The following SIPA1L3 variants were observed in gnomAD, a reference collection of about 807,000 sequenced individuals.
SIPA1L3 encodes signal-induced proliferation-associated 1-like protein 3.
A neutral mutation model predicts 150.1 loss-of-function variants in SIPA1L3; 59 were observed. The ratio of observed to expected loss-of-function variants is 0.39; its 90% confidence interval spans 0.32 to 0.49. SIPA1L3 has a LOEUF of 0.49. SIPA1L3 is among the 20% of genes least tolerant of loss of function. SIPA1L3 has a pLI of 0.86. For missense variants in SIPA1L3, 2,211 were observed against 2,489.5 expected (o/e 0.89, Z 2.38); for synonymous variants, 1,070 against 1,077.6 (o/e 0.99, Z 0.14).
At chr19:37,969,493 A>C (rs527296648) in intron 1 of SIPA1L3, among the ~76,000 whole-genome samples, 18 of 147,456 alleles carry the variant, frequency 1.2e-4, no homozygotes, top group South Asian at 2.2e-4. Context: ...TGGAGGTTGC[A>C]GTGAGCTGAG....
chr19:37,972,168 A>AGTGTGTGTGTGTGTGTGT (rs34744094), intron 1 of SIPA1L3, among the ~76,000 whole-genome samples: 65 of 145,044 alleles, frequency 4.5e-4, no homozygotes, highest in African/African-American at 1.6e-3. Context: ...AGAGATACCT[A>AGTGTGTGTGTGTGTGTGT]GTGTGTGTGT....
intron 16 of SIPA1L3, 126 bp from the exon 17 acceptor site, chr19:38,192,019 G>T: frequency 1.2e-6 from 1 of 825,436 alleles, no homozygotes. Context: ...CCACGCGTTT[G>T]CTGGGTGAAG....
chr19:38,182,522 C>T lies in SIPA1L3; in HGVS notation c.4212C>T (p.Asp1404=), dbSNP rs768170806. ...GSRDPPRQPS[D]MGSRVGYPAQ... ...CTCTTTCATTTTTGCTTTGCAGTGA[C>T]ATGGGCTCGAGGGTTGGCTACCCCG... The change falls in exon 16 of 22, where the codon GAC becomes GAT. Residue 1404 remains aspartate (D), a synonymous_variant. Coordinates refer to ENST00000222345, the MANE Select transcript of SIPA1L3 (RefSeq NM_015073.3). 1.6e-5 allele frequency: 26 copies of T among 1,601,334 alleles called. No individual in the cohort carries two copies. The highest frequency in any genetic ancestry group is 2.0e-5 in the Non-Finnish European group (24 of 1,173,112).
intron 1 of SIPA1L3, among the ~76,000 whole-genome samples, chr19:37,909,791 C>G (rs577115645): frequency 2.1e-4 from 32 of 152,210 alleles, no homozygotes; most frequent in African/African-American, 7.5e-4. Flanking sequence ...GCACACATAC[C>G]ACACACCCAA....
chr19:38,088,821 C>G lies in SIPA1L3; in HGVS notation c.1635C>G (p.Tyr545Ter). The change falls in exon 4 of 22, where the codon TAC (tyrosine) becomes TAG (stop). Residue 545 changes from tyrosine (Y) to a stop codon, truncating the protein, a stop_gained. Coordinates refer to ENST00000222345, the MANE Select transcript of SIPA1L3 (RefSeq NM_015073.3). LOFTEE classifies it high-confidence loss of function. ...LEDHKEHGPQYQYRIIFRTRE... is the reference protein window; with the variant it reads ...LEDHKEHGPQ ...ACCACAAGGAGCACGGACCTCAGTA[C>G]CAGTACAGGATCATCTTCCGGACCC... 6.2e-7 allele frequency: 1 copy of G among 1,614,058 alleles called. No homozygotes were observed. The highest frequency in any genetic ancestry group is 8.5e-7 in the Non-Finnish European group (1 of 1,179,964).
At chr19:38,097,675 G>A (rs930214520) in intron 4 of SIPA1L3, among the ~76,000 whole-genome samples, 4 of 152,174 alleles carry the variant, frequency 2.6e-5, no homozygotes, top group African/African-American at 4.8e-5. Context: ...TTCTGCCTCA[G>A]CCTCCCAAGT....
rs1469492095 is a variant in SIPA1L3 at position 38,046,438 on chromosome 19, G to A, written c.-311+17282G>A. 6.6e-6 allele frequency among the ~76,000 whole-genome samples: 1 copy of A among 152,164 alleles called. No homozygotes were observed. The highest frequency in any genetic ancestry group is 1.9e-4 in the East Asian group (1 of 5,186). Reference sequence around the variant, plus strand: ...CAAGGTCGGGGGCCGTGGGGTGGTGGTGGAGTCTTTGACCTCATGCCGATC... The same window carrying A: ...CAAGGTCGGGGGCCGTGGGGTGGTGATGGAGTCTTTGACCTCATGCCGATC... On this transcript the variant is annotated intron_variant, in intron 2 of 21. Transcript: ENST00000222345. This position sits in a 1 kb window ranked among gnomAD's most constrained non-coding sequence, Gnocchi z 5.6.
At chr19:38,065,975 C>T (rs957943679) in intron 2 of SIPA1L3, among the ~76,000 whole-genome samples, 1 of 129,062 alleles carries the variant, frequency 7.7e-6, no homozygotes, top group South Asian at 2.4e-4. Flanking sequence ...CTCTGTTGCC[C>T]GGGCTTGATC....
intron 2 of SIPA1L3, among the ~76,000 whole-genome samples, chr19:38,071,062 C>T (rs573869736): frequency 7.2e-5 from 11 of 152,272 alleles, no homozygotes; most frequent in African/African-American, 1.7e-4. Context: ...GCTTCTTGGG[C>T]GTGCTGCTTC....
chr19:38,130,118 A>G (rs1251999303), intron 9 of SIPA1L3, among the ~76,000 whole-genome samples: 1 of 152,202 alleles, frequency 6.6e-6, no homozygotes, highest in Admixed American at 6.6e-5. Context: ...CCCAGAGGAC[A>G]TGGCAGTGCC....
At position 37,963,003 on chromosome 19, in the gene SIPA1L3, A is replaced by G. The variant is rs538868362; in HGVS notation, c.-379+55645A>G. Among the ~76,000 whole-genome samples, 17 of 152,250 alleles carry G rather than the reference A, an allele frequency of 1.1e-4. No individual in the cohort carries two copies. In the South Asian group the frequency reaches 3.5e-3, roughly 32 times the overall value. On this transcript the variant is annotated intron_variant, in intron 1 of 21. Transcript: ENST00000222345. ...AAAAAATTGTTTTAATTTTAAGCAT[A>G]ACTTACTAGGGGTTGCCTTTGGTTC...
intron 9 of SIPA1L3, among the ~76,000 whole-genome samples, chr19:38,123,691 G>A (rs1460836031): frequency 1.3e-5 from 2 of 152,088 alleles, no homozygotes; most frequent in Admixed American, 6.6e-5. Context: ...GCAACCATCC[G>A]ATTTCTCAAT....
chr19:38,060,179 T>G (rs77241629), intron 2 of SIPA1L3, among the ~76,000 whole-genome samples: 4,028 of 152,336 alleles, frequency 0.026, 159 homozygotes, highest in African/African-American at 0.09. Flanking sequence ...ATAACGTGGT[T>G]CCAGTTTACC....
chr19:37,951,449 G>A (rs2046763015), intron 1 of SIPA1L3, among the ~76,000 whole-genome samples: 1 of 152,182 alleles, frequency 6.6e-6, no homozygotes, highest in Non-Finnish European at 1.5e-5. Flanking sequence ...AGCTTTGAGT[G>A]TGAAGATCTA....
At chr19:37,941,457 T>G (rs1455003241) in intron 1 of SIPA1L3, among the ~76,000 whole-genome samples, 10 of 148,404 alleles carry the variant, frequency 6.7e-5, no homozygotes, top group South Asian at 4.2e-4. Flanking sequence ...TGTGTGTTTT[T>G]TTTTTTTTTT....
At chr19:38,028,711 G>T (rs1325177129) in intron 1 of SIPA1L3, among the ~76,000 whole-genome samples, 841 of 73,334 alleles carry the variant, frequency 0.011, 3 homozygotes, top group African/African-American at 0.028. Context: ...TTTTTTTTTT[G>T]AGACAGAGTC....
rs138307488 is a variant in SIPA1L3 at position 38,162,308 on chromosome 19, C to T, written c.3717C>T (p.Ser1239=). The T allele has an allele frequency of 1.2e-4, 188 of 1,614,244 alleles. 1 individual carries two copies. The highest frequency in any genetic ancestry group is 4.8e-4 in the South Asian group (44 of 91,092). Residue 1239 remains serine (S), a synonymous_variant, in exon 14 of 22, where the codon AGC becomes AGT. Coordinates refer to ENST00000222345, the MANE Select transcript of SIPA1L3 (RefSeq NM_015073.3). ...QARLSAIAGS[S]GNKHPSRQDA... is the part of the protein sequence containing the mutation. ...GGCTCTCAGCCATAGCCGGAAGCAG[C>T]GGGAACAAGCACCCGTCCAGGCAGG...
chr19:37,957,423 T>G (rs2046820507), intron 1 of SIPA1L3, among the ~76,000 whole-genome samples: 1 of 152,244 alleles, frequency 6.6e-6, no homozygotes, highest in East Asian at 1.9e-4. Flanking sequence ...GCTTCTCTGT[T>G]TATTTAGATT....
chr19:38,075,684 G>A (rs1453668725), intron 2 of SIPA1L3, among the ~76,000 whole-genome samples: 1 of 151,820 alleles, frequency 6.6e-6, no homozygotes, highest in Non-Finnish European at 1.5e-5. Context: ...GGAGGCTGAG[G>A]CAGGAGAATC....
Sources: gnomAD v4.1 joint callset for allele counts (sites outside exome capture counted in the v4.1 genomes callset) on GRCh38, gnomAD v4.1.1 for gene constraint, Gnocchi (gnomAD v3.1) non-coding constraint, MANE v1.5 for transcripts, NCBI Gene and HGNC (gene_info 2026-07-23, HGNC 2026-07-21) for gene names.